SPIRE1: variants seen among roughly 807,000 people sequenced by gnomAD.
SPIRE1 encodes the protein protein spire homolog 1.
A neutral mutation model predicts 94.1 loss-of-function variants in SPIRE1; 40 were observed. The ratio of observed to expected loss-of-function variants is 0.43; its 90% CI spans 0.33 to 0.55. The LOEUF (loss-of-function observed/expected upper bound fraction) is 0.55, where lower values mean the gene tolerates loss of function less well. SPIRE1 is among the 20% of genes least tolerant of loss of function. The pLI is 0.06. For missense variants in SPIRE1, 838 were observed against 975.2 expected (o/e 0.86, Z 1.87); for synonymous variants, 376 against 371.7 (o/e 1.01, Z -0.13).
At chr18:12,642,522 C>G (rs2038114134) in intron 1 of SPIRE1, among the ~76,000 whole-genome samples, 1 of 152,136 alleles carries the variant, frequency 6.6e-6, no homozygotes, top group Non-Finnish European at 1.5e-5. Context: ...TGGATATTAT[C>G]TTTTATCTAT....
intron 2 of SPIRE1, among the ~76,000 whole-genome samples, chr18:12,605,259 C>CCA (rs1238011922): frequency 6.6e-6 from 1 of 151,970 alleles, no homozygotes; most frequent in African/African-American, 2.4e-5. Context: ...TGGCTCACGC[C>CCA]TGTAATCCCA....
chr18:12,549,873 A>G (rs754259852), intron 2 of SPIRE1, among the ~76,000 whole-genome samples: 14 of 152,076 alleles, frequency 9.2e-5, no homozygotes, highest in Non-Finnish European at 1.5e-4. Flanking sequence ...ATGGCTTCCA[A>G]CCATAGCAAA....
At chr18:12,521,989 C>G (rs905892955) in intron 4 of SPIRE1, among the ~76,000 whole-genome samples, 1 of 152,064 alleles carries the variant, frequency 6.6e-6, no homozygotes, top group Non-Finnish European at 1.5e-5. Flanking sequence ...TTTAATTAGG[C>G]CAATTAATAA....
chr18:12,559,726 G>T lies in SPIRE1; in HGVS notation c.373-12822C>A. 6.6e-6 allele frequency among the ~76,000 whole-genome samples: 1 copy of T among 152,146 alleles called. No homozygotes were observed. Among genetic ancestry groups the T allele is most frequent in the South Asian group, 2.1e-4 (1 of 4,824 alleles). ...TTGAGTAATAACCCACAGGCACAGG[G>T]AACCAAAGCAAAAATTGACAAATGG... On this transcript the variant is annotated intron_variant, in intron 2 of 16. Coordinates refer to ENST00000409402, the MANE Select transcript of SPIRE1 (RefSeq NM_001128626.2). The surrounding 1 kb of genome is among the most constrained non-coding windows in gnomAD (Gnocchi z 4.7).
At chr18:12,475,274 T>C (rs1216982856) in intron 10 of SPIRE1, among the ~76,000 whole-genome samples, 1 of 152,232 alleles carries the variant, frequency 6.6e-6, no homozygotes. Flanking sequence ...CTGTGGTGTT[T>C]ACTGACTCAC....
chr18:12,608,135 G>T (rs1208500580), intron 2 of SPIRE1, among the ~76,000 whole-genome samples: 1 of 144,934 alleles, frequency 6.9e-6, no homozygotes, highest in Non-Finnish European at 1.5e-5. Flanking sequence ...TCCAGCCTGG[G>T]TGACAGAGCG....
At chr18:12,644,178 G>A (rs1006690405) in intron 1 of SPIRE1, among the ~76,000 whole-genome samples, 1 of 131,312 alleles carries the variant, frequency 7.6e-6, no homozygotes, top group Non-Finnish European at 1.6e-5. Flanking sequence ...CAGCCTAGGT[G>A]ACAGAGGGAA....
At chr18:12,597,654 C>T (rs1343751604) in intron 2 of SPIRE1, among the ~76,000 whole-genome samples, 1 of 152,206 alleles carries the variant, frequency 6.6e-6, no homozygotes, top group Non-Finnish European at 1.5e-5. Flanking sequence ...GAATTAAATA[C>T]TAACAGCCTC....
chr18:12,628,713 TCTC>T (rs2037698950), intron 2 of SPIRE1, among the ~76,000 whole-genome samples: 2 of 152,282 alleles, frequency 1.3e-5, no homozygotes, highest in African/African-American at 4.8e-5. Context: ...TTTGTGTCTC[TCTC>T]TTATTTTGTT....
chr18:12,615,542 C>CCAAAAAAAAAAAAAAAA (rs2037282112), intron 2 of SPIRE1, among the ~76,000 whole-genome samples: 1 of 75,790 alleles, frequency 1.3e-5, no homozygotes, highest in Non-Finnish European at 2.7e-5. Flanking sequence ...TCTATCTCCA[C>CCAAAAAAAAAAAAAAAA]AAAAAAAAAA....
chr18:12,582,263 T>C (rs542249978), intron 2 of SPIRE1, among the ~76,000 whole-genome samples: 1 of 152,274 alleles, frequency 6.6e-6, no homozygotes, highest in East Asian at 1.9e-4. Context: ...ATTTATATGG[T>C]TAATGAAAAG....
chr18:12,452,164 C>A, intron 16 of SPIRE1, 91 bp downstream of exon 16: 1 of 1,502,364 alleles, frequency 6.7e-7, no homozygotes, highest in Non-Finnish European at 9.0e-7. Context: ...AAAAACCCCT[C>A]GAGCCAAAAC....
intron 5 of SPIRE1, among the ~76,000 whole-genome samples, chr18:12,508,535 TATTC>T (rs1231913376): frequency 6.6e-6 from 1 of 152,256 alleles, no homozygotes; most frequent in Admixed American, 6.5e-5. Context: ...ACATTTCTCT[TATTC>T]ATTCCTTTAA....
chr18:12,556,871 C>T (rs1280780375), intron 2 of SPIRE1, among the ~76,000 whole-genome samples: 4 of 152,168 alleles, frequency 2.6e-5, no homozygotes, highest in African/African-American at 7.2e-5. Context: ...CAGCGGGTTG[C>T]CACTGCTGGC....
intron 1 of SPIRE1, among the ~76,000 whole-genome samples, chr18:12,655,050 AG>A (rs1224366154): frequency 6.6e-6 from 1 of 151,464 alleles, no homozygotes; most frequent in African/African-American, 2.4e-5. Context: ...AAGAAAGAAA[AG>A]AAAAGAAAAA....
chr18:12,479,741 G>C lies in SPIRE1; in HGVS notation c.1362C>G (p.Leu454=). The change falls in exon 10 of 17, where the codon CTC becomes CTG. Residue 454 remains leucine (L), a synonymous_variant. Coordinates refer to ENST00000409402, the MANE Select transcript of SPIRE1 (RefSeq NM_001128626.2). ...QQVPAQRKKL[L]RAPTLAELDS... ...CCAGTTCGGCCAGAGTTGGGGCTCTGAGGAGCTTCTTCCGCTGTGCAGGCA... is the reference window on the plus strand; with the variant it reads ...CCAGTTCGGCCAGAGTTGGGGCTCTCAGGAGCTTCTTCCGCTGTGCAGGCA... 1.2e-6 allele frequency: 2 copies of C among 1,613,972 alleles called. No individual in the cohort carries two copies. Among genetic ancestry groups the C allele is most frequent in the Non-Finnish European group, 1.7e-6 (2 of 1,179,926 alleles).
intron 2 of SPIRE1, among the ~76,000 whole-genome samples, chr18:12,547,779 T>C (rs1486745951): frequency 6.6e-6 from 1 of 152,032 alleles, no homozygotes; most frequent in Non-Finnish European, 1.5e-5. Flanking sequence ...CTGTCTCTAC[T>C]AAAATTACAA....
chr18:12,468,835 G>T (rs1205583530), intron 10 of SPIRE1, among the ~76,000 whole-genome samples: 1 of 152,154 alleles, frequency 6.6e-6, no homozygotes, highest in Non-Finnish European at 1.5e-5. Flanking sequence ...GAGGCCAGAG[G>T]ATCGCTTAAG....
At chr18:12,494,595 C>T (rs1487691361) in intron 7 of SPIRE1, among the ~76,000 whole-genome samples, 3 of 151,326 alleles carry the variant, frequency 2.0e-5, no homozygotes, top group Non-Finnish European at 2.9e-5. Context: ...TTTGGGAGGC[C>T]GAGGTGGGCG....
Sources: gnomAD v4.1 joint callset for allele counts (sites outside exome capture counted in the v4.1 genomes callset) on GRCh38, gnomAD v4.1.1 for gene constraint, Gnocchi (gnomAD v3.1) non-coding constraint, MANE v1.5 for transcripts, NCBI Gene and HGNC (gene_info 2026-07-23, HGNC 2026-07-21) for gene names.